Variants in NRXN1 observed in about 807,000 individuals in gnomAD.
NRXN1 encodes the protein neurexin 1.
Under a neutral mutation model 150.9 loss-of-function variants are expected in NRXN1, and 39 were observed. The ratio of observed to expected loss-of-function variants is 0.26; its 90% CI spans 0.20 to 0.34. The LOEUF (loss-of-function observed/expected upper bound fraction) is 0.34, where lower values mean the gene tolerates loss of function less well. NRXN1 is among the 10% of genes least tolerant of loss of function. The probability of loss-of-function intolerance (pLI) is 1.00; values close to 1 mark genes in which losing one functional copy is unlikely to be tolerated. For missense variants in NRXN1, 1,815 were observed against 1,949.9 expected (o/e 0.93, Z 1.30); for synonymous variants, 924 against 757.0 (o/e 1.22, Z -3.62).
At chr2:50,068,682 GC>G (rs1323339658) in intron 19 of NRXN1, among the ~76,000 whole-genome samples, 1 of 152,110 alleles carries the variant, frequency 6.6e-6, no homozygotes, top group Non-Finnish European at 1.5e-5. Context: ...GTAAATATTA[GC>G]CCTTATATTG....
intron 17 of NRXN1, among the ~76,000 whole-genome samples, chr2:50,411,625 G>A (rs995342788): frequency 5.9e-5 from 9 of 151,704 alleles, no homozygotes; most frequent in Middle Eastern, 3.2e-3. Context: ...GGTGAGGAGC[G>A]TCTCTGACCG....
chr2:50,220,439 C>T (rs1171705004), intron 18 of NRXN1, among the ~76,000 whole-genome samples: 1 of 151,916 alleles, frequency 6.6e-6, no homozygotes, highest in Non-Finnish European at 1.5e-5. Context: ...CCTTGAAATA[C>T]AAATGCTTTT....
At chr2:50,478,461 G>T (rs2104761036) in intron 15 of NRXN1, among the ~76,000 whole-genome samples, 1 of 152,196 alleles carries the variant, frequency 6.6e-6, no homozygotes, top group Non-Finnish European at 1.5e-5. Context: ...TTTGCTCTGA[G>T]ACACAAGATC....
intron 19 of NRXN1, among the ~76,000 whole-genome samples, chr2:50,070,694 C>T (rs562382925): frequency 2.1e-5 from 3 of 141,426 alleles, no homozygotes; most frequent in East Asian, 2.2e-4. Flanking sequence ...GGCGTGAACC[C>T]GGGAGGCGGA....
intron 17 of NRXN1, among the ~76,000 whole-genome samples, chr2:50,329,651 ATATATATATATATATATATATATT>A (rs1169586811): frequency 0.011 from 107 of 9,366 alleles, 5 homozygotes; most frequent in South Asian, 0.093. Context: ...ATATATATAT[ATATATATATATATATATATATATT>A]TTTTTTTTTC....
intron 5 of NRXN1, among the ~76,000 whole-genome samples, chr2:50,695,081 AT>A (rs1033275508): frequency 6.6e-6 from 1 of 151,780 alleles, no homozygotes; most frequent in African/African-American, 2.4e-5. Context: ...AACTACTGAA[AT>A]TAAATTAGCC....
At chr2:50,842,379 G>A (rs941086637) in intron 5 of NRXN1, among the ~76,000 whole-genome samples, 4 of 152,130 alleles carry the variant, frequency 2.6e-5, no homozygotes, top group Non-Finnish European at 5.9e-5. Flanking sequence ...ATCATCTTTA[G>A]AGAATACAGG....
chr2:50,717,434 G>T (rs1281544099), intron 5 of NRXN1, among the ~76,000 whole-genome samples: 1 of 152,102 alleles, frequency 6.6e-6, no homozygotes, highest in Non-Finnish European at 1.5e-5. Flanking sequence ...ATCTGTGTTT[G>T]TAATGGCCAT....
At chr2:50,454,494 C>G (rs1030406842) in intron 17 of NRXN1, among the ~76,000 whole-genome samples, 2 of 152,066 alleles carry the variant, frequency 1.3e-5, no homozygotes, top group East Asian at 3.9e-4. Context: ...ACAAACTTTT[C>G]CTAGATACAC....
chr2:50,327,391 A>G (rs1480823861), intron 17 of NRXN1, among the ~76,000 whole-genome samples: 1 of 152,168 alleles, frequency 6.6e-6, no homozygotes, highest in African/African-American at 2.4e-5. Context: ...AACTGTGACT[A>G]AGACGTAGCT....
intron 12 of NRXN1, among the ~76,000 whole-genome samples, chr2:50,528,240 T>C (rs1469620383): frequency 3.0e-5 from 1 of 33,820 alleles, no homozygotes; most frequent in Non-Finnish European, 6.2e-5. Context: ...AGGAATTAAG[T>C]ATTTTTTTTT....
In NRXN1 at chr2:50,347,624, C is replaced by A. The variant is rs201528918; in HGVS notation, c.3365-110654G>T. On this transcript the variant is annotated intron_variant, in intron 17 of 22. Transcript: ENST00000401669. The surrounding 1 kb of genome is among the most constrained non-coding windows in gnomAD (Gnocchi z 4.9). ...GCCGCCTCCTGACACTTACGCCCGG[C>A]GAGGGGTTCAGAGGGAAGAGTGCGC... 2.1e-5 allele frequency: 21 copies of A among 1,004,724 alleles called. No homozygotes were observed. In the East Asian group the frequency reaches 2.1e-3, roughly 102 times the overall value. The allele number at this position is 1,004,724 out of a possible 1,614,324, so 62.2% of individuals were successfully genotyped here.
chr2:50,793,419 T>C (rs1336097306), intron 5 of NRXN1, among the ~76,000 whole-genome samples: 4 of 152,102 alleles, frequency 2.6e-5, no homozygotes, highest in Admixed American at 2.6e-4. Flanking sequence ...TCATGTTTAG[T>C]GAAGGGAAGC....
At chr2:50,613,545 G>A (rs533458364) in intron 8 of NRXN1, among the ~76,000 whole-genome samples, 1 of 152,336 alleles carries the variant, frequency 6.6e-6, no homozygotes, top group Admixed American at 6.5e-5. Flanking sequence ...CATCTGCTGC[G>A]TATCAGCCTG....
At chr2:50,255,322 G>C in intron 17 of NRXN1, among the ~76,000 whole-genome samples, 1 of 152,142 alleles carries the variant, frequency 6.6e-6, no homozygotes, top group East Asian at 1.9e-4. Context: ...GTTCTCTATG[G>C]AGAATTTTAC....
chr2:50,837,019 A>G (rs1032880014), intron 5 of NRXN1, among the ~76,000 whole-genome samples: 4 of 152,014 alleles, frequency 2.6e-5, no homozygotes, highest in African/African-American at 9.7e-5. Flanking sequence ...CAAAAGAGTA[A>G]ATCCCTGAAG....
chr2:50,260,216 G>A (rs2068111612), intron 17 of NRXN1, among the ~76,000 whole-genome samples: 1 of 151,298 alleles, frequency 6.6e-6, no homozygotes, highest in Admixed American at 6.6e-5. Flanking sequence ...CCCATATGAT[G>A]CCTTTAGGAA....
At chr2:50,453,045 T>C (rs1238559286) in intron 17 of NRXN1, among the ~76,000 whole-genome samples, 2 of 152,222 alleles carry the variant, frequency 1.3e-5, no homozygotes, top group East Asian at 1.9e-4. Flanking sequence ...ATATCCAAGA[T>C]AGTATTAAAA....
At chr2:50,238,273 T>C (rs2065662583) in intron 17 of NRXN1, among the ~76,000 whole-genome samples, 5 of 152,174 alleles carry the variant, frequency 3.3e-5, no homozygotes, top group Admixed American at 3.3e-4. Context: ...CTCTGTCTTC[T>C]TCTGACTGCT....
Sources: gnomAD v4.1 joint callset for allele counts (sites outside exome capture counted in the v4.1 genomes callset) on GRCh38, gnomAD v4.1.1 for gene constraint, Gnocchi (gnomAD v3.1) non-coding constraint, MANE v1.5 for transcripts, NCBI Gene and HGNC (gene_info 2026-07-23, HGNC 2026-07-21) for gene names.